Variants in MEGF9 observed in about 807,000 individuals in gnomAD.
MEGF9 encodes the protein multiple epidermal growth factor-like domains protein 9.
In MEGF9, 6 loss-of-function variants were observed where a neutral mutation model predicts 46.8. The observed-to-expected ratio is 0.13, with a 90% CI of 0.07 to 0.25. The LOEUF (loss-of-function observed/expected upper bound fraction) is 0.25, where lower values mean the gene tolerates loss of function less well. Among genes scored for constraint, MEGF9 ranks in the 10% least tolerant of loss-of-function variants. MEGF9 has a pLI of 1.00. For missense variants in MEGF9, 683 were observed against 792.4 expected (o/e 0.86, Z 1.66); for synonymous variants, 302 against 330.7 (o/e 0.91, Z 0.94).
intron 2 of MEGF9, among the ~76,000 whole-genome samples, chr9:120,651,360 G>C (rs2043648538): frequency 6.6e-6 from 1 of 152,144 alleles, no homozygotes; most frequent in Non-Finnish European, 1.5e-5. Flanking sequence ...TTTTGAGAAA[G>C]GCTGTACCAG....
chr9:120,636,019 C>G (rs1285267335), intron 2 of MEGF9, among the ~76,000 whole-genome samples: 2 of 152,204 alleles, frequency 1.3e-5, no homozygotes, highest in Non-Finnish European at 2.9e-5. Flanking sequence ...ACTGCAACCT[C>G]TGTCTCCCAA....
chr9:120,607,760 C>T lies in MEGF9; in HGVS notation c.1338G>A (p.Glu446=), dbSNP rs1288445593. The part of the protein sequence containing the change: ...NCLEGYVHDL[E]GNCIKKEVIL... ...TTTTACCTTTCTTGATGCAATTTCC[C>T]TCGAGGTCGTGAACATAACCTTCTA... The change falls in exon 5 of 6, where the codon GAG becomes GAA. Residue 446 remains glutamate, a synonymous_variant. Transcript: ENST00000373930. 6.2e-7 allele frequency: 1 copy of T among 1,609,578 alleles called. No individual in the cohort carries two copies. Among genetic ancestry groups the T allele is most frequent in the Admixed American group, 1.7e-5 (1 of 59,940 alleles).
chr9:120,649,220 T>C (rs1329868753), intron 2 of MEGF9, among the ~76,000 whole-genome samples: 1 of 152,260 alleles, frequency 6.6e-6, no homozygotes, highest in Non-Finnish European at 1.5e-5. Context: ...TGCTTGAATC[T>C]GCAGATGTGG....
chr9:120,606,067 G>A (rs2043419236), intron 5 of MEGF9, among the ~76,000 whole-genome samples: 1 of 151,724 alleles, frequency 6.6e-6, no homozygotes, highest in African/African-American at 2.4e-5. Flanking sequence ...AGCTACTCGA[G>A]AGGCTGAGGC....
At chr9:120,607,693 C>T in intron 5 of MEGF9, 48 bp downstream of exon 5, 6 of 1,585,196 alleles carry the variant, frequency 3.8e-6, no homozygotes, top group Non-Finnish European at 5.2e-6. Flanking sequence ...CCATTTTTCA[C>T]TGCTAGTTTT....
Position 120,605,619 on chromosome 9 carries a change from T to C in MEGF9, c.1380A>G (p.Glu460=), listed in dbSNP as rs1244781787. Residue 460 remains glutamate (E), a synonymous_variant, in exon 6 of 6, where the codon GAA becomes GAG. Coordinates refer to ENST00000373930, the MANE Select transcript of MEGF9 (RefSeq NM_001080497.3). The surrounding 1 kb of genome is among the most constrained non-coding windows in gnomAD (Gnocchi z 4.0). ...IKKEVILPTP[E]GSTILVSNAS... ...CATTGGAAACCAAAATGGTAGAACC[T>C]TCAGGTGTTGGAAGAATAACTTCTG... 3.2e-6 allele frequency: 5 copies of C among 1,576,776 alleles called. No homozygotes were observed. The highest frequency in any genetic ancestry group is 4.3e-6 in the Non-Finnish European group (5 of 1,159,390).
At chr9:120,606,430 T>G (rs1364036602) in intron 5 of MEGF9, among the ~76,000 whole-genome samples, 1 of 152,142 alleles carries the variant, frequency 6.6e-6, no homozygotes, top group African/African-American at 2.4e-5. Flanking sequence ...CCTCTAGTTA[T>G]GTCTGAAAAA....
chr9:120,615,655 G>C (rs934532717), intron 3 of MEGF9, among the ~76,000 whole-genome samples: 3 of 152,080 alleles, frequency 2.0e-5, no homozygotes, highest in Admixed American at 2.0e-4. Context: ...AGCACTTTGG[G>C]AGGTCAATGC....
chr9:120,661,504 G>T (rs2043701614), intron 1 of MEGF9, among the ~76,000 whole-genome samples: 1 of 152,220 alleles, frequency 6.6e-6, no homozygotes, highest in African/African-American at 2.4e-5. Flanking sequence ...GTGACAGAGT[G>T]AGACCTGTCT....
intron 1 of MEGF9, among the ~76,000 whole-genome samples, chr9:120,708,193 T>C (rs958246843): frequency 3.3e-5 from 5 of 151,964 alleles, no homozygotes; most frequent in African/African-American, 9.7e-5. Flanking sequence ...CCCTGTTTCT[T>C]CTAAAATACA....
chr9:120,649,123 T>C (rs896621039), intron 2 of MEGF9, among the ~76,000 whole-genome samples: 4 of 152,248 alleles, frequency 2.6e-5, no homozygotes, highest in African/African-American at 9.6e-5. Flanking sequence ...AAATAATTGT[T>C]GTTTTATACT....
chr9:120,676,339 T>C (rs1015982230), intron 1 of MEGF9, among the ~76,000 whole-genome samples: 2 of 152,218 alleles, frequency 1.3e-5, no homozygotes, highest in Admixed American at 1.3e-4. Context: ...TTTATATCAG[T>C]GAAATTTTAT....
In MEGF9 at chr9:120,683,322, C is replaced by T. The variant is rs555450252; in HGVS notation, c.602-23747G>A. On this transcript the variant is annotated intron_variant, in intron 1 of 5. Transcript: ENST00000373930. Reference sequence around the variant, plus strand: ...AAAGTTGGCCATAAGCCAAAGGGAACGAAATGGTTTGGCTGTGAACCCACC... The same window carrying T: ...AAAGTTGGCCATAAGCCAAAGGGAATGAAATGGTTTGGCTGTGAACCCACC... Among the ~76,000 whole-genome samples, 9 of 151,918 alleles carry T rather than the reference C, an allele frequency of 5.9e-5. No individual in the cohort carries two copies. In the East Asian group the frequency reaches 1.2e-3, roughly 20 times the overall value.
At chr9:120,692,285 A>C (rs1469728312) in intron 1 of MEGF9, among the ~76,000 whole-genome samples, 7 of 152,216 alleles carry the variant, frequency 4.6e-5, no homozygotes. Context: ...TCAAGTCTCT[A>C]ATTTTAATTA....
chr9:120,692,976 A>G (rs2043856571), intron 1 of MEGF9, among the ~76,000 whole-genome samples: 1 of 152,078 alleles, frequency 6.6e-6, no homozygotes, highest in African/African-American at 2.4e-5. Flanking sequence ...CTAATTTTCC[A>G]TATCCTTCGC....
chr9:120,614,808 A>G (rs2043463983), intron 3 of MEGF9, among the ~76,000 whole-genome samples: 1 of 152,038 alleles, frequency 6.6e-6, no homozygotes. Context: ...AAAAAAAGCT[A>G]ACAGTTCCAT....
chr9:120,624,810 G>A (rs1564414697), intron 2 of MEGF9, among the ~76,000 whole-genome samples: 1 of 151,326 alleles, frequency 6.6e-6, no homozygotes, highest in Non-Finnish European at 1.5e-5. Context: ...AAGACGGAGG[G>A]TGCAGTGAGC....
At chr9:120,697,409 C>T (rs1017821071) in intron 1 of MEGF9, among the ~76,000 whole-genome samples, 6 of 151,216 alleles carry the variant, frequency 4.0e-5, no homozygotes, top group African/African-American at 7.4e-5. Flanking sequence ...TATAATCAAA[C>T]GTCATCTGCT....
intron 2 of MEGF9, among the ~76,000 whole-genome samples, chr9:120,627,683 G>A (rs1403944732): frequency 3.3e-5 from 5 of 152,148 alleles, no homozygotes; most frequent in Admixed American, 2.0e-4. Flanking sequence ...GGCTGGTCTC[G>A]AACTCCTGAC....
Sources: allele counts gnomAD v4.1 joint callset (sites outside exome capture counted in the v4.1 genomes callset), GRCh38; gene constraint gnomAD v4.1.1; non-coding constraint Gnocchi (gnomAD v3.1); transcripts MANE v1.5; gene names NCBI Gene and HGNC (gene_info 2026-07-23, HGNC 2026-07-21).